Variants in SDK1 observed in about 807,000 individuals in gnomAD.
SDK1 encodes protein sidekick-1.
In SDK1, 157 loss-of-function variants were observed where a neutral mutation model predicts 245.5. The ratio of observed to expected loss-of-function variants is 0.64; its 90% CI spans 0.56 to 0.73. The LOEUF (loss-of-function observed/expected upper bound fraction) is 0.73. Ranked by LOEUF, SDK1 falls within the 30% of genes least tolerant of loss-of-function variation. SDK1 has a pLI of 0.00. For missense variants in SDK1, 3,583 were observed against 3,002.3 expected (o/e 1.19, Z -4.52); for synonymous variants, 1,647 against 1,278.5 (o/e 1.29, Z -6.15).
At chr7:3,492,477 G>C (rs1169518565) in intron 1 of SDK1, among the ~76,000 whole-genome samples, 2 of 152,242 alleles carry the variant, frequency 1.3e-5, no homozygotes, top group Non-Finnish European at 2.9e-5. Context: ...CTGGGCGACA[G>C]AGCGAGACTC....
At chr7:3,801,158 A>G (rs974351434) in intron 4 of SDK1, among the ~76,000 whole-genome samples, 10 of 152,192 alleles carry the variant, frequency 6.6e-5, no homozygotes, top group African/African-American at 2.2e-4. Flanking sequence ...ACACATCACT[A>G]TTTCATTTAT....
intron 44 of SDK1, among the ~76,000 whole-genome samples, chr7:4,260,960 G>T (rs988225020): frequency 6.6e-6 from 1 of 152,226 alleles, no homozygotes; most frequent in African/African-American, 2.4e-5. Context: ...GCCACAGATG[G>T]ATTCAGCTGT....
intron 1 of SDK1, among the ~76,000 whole-genome samples, chr7:3,480,320 G>T (rs535555944): frequency 6.6e-6 from 1 of 152,162 alleles, no homozygotes; most frequent in Admixed American, 6.5e-5. Flanking sequence ...AAATGGAGCC[G>T]CGAGGCCATG....
chr7:3,645,914 A>C (rs1271813788), intron 4 of SDK1, among the ~76,000 whole-genome samples: 2 of 151,842 alleles, frequency 1.3e-5, no homozygotes, highest in Admixed American at 6.6e-5. Context: ...GCTGGAGTGC[A>C]GTGGCCCAAT....
chr7:4,039,722 CTTA>C (rs1208476518), intron 17 of SDK1, among the ~76,000 whole-genome samples: 1 of 152,048 alleles, frequency 6.6e-6, no homozygotes, highest in East Asian at 1.9e-4. Flanking sequence ...AATTATGGAA[CTTA>C]TTATAACATC....
chr7:3,345,725 C>G (rs977615751), intron 1 of SDK1, among the ~76,000 whole-genome samples: 4 of 152,172 alleles, frequency 2.6e-5, no homozygotes, highest in Admixed American at 1.3e-4. Context: ...CCGTCTCTTT[C>G]CTGTTTCAGT....
chr7:3,716,104 A>T (rs990503721), intron 4 of SDK1, among the ~76,000 whole-genome samples: 6 of 149,116 alleles, frequency 4.0e-5, no homozygotes, highest in Non-Finnish European at 7.4e-5. Flanking sequence ...CCAACAATGA[A>T]AAAGGTAGAC....
In SDK1 at chr7:4,077,006, A is replaced by C. The variant is rs759795002; in HGVS notation, c.3019A>C (p.Ile1007Leu). 3 of 1,613,964 alleles carry C rather than the reference A, an allele frequency of 1.9e-6. No individual in the cohort carries two copies. In the Admixed American group the frequency reaches 5.0e-5, roughly 27 times the overall value. The change falls in exon 21 of 45, where the codon ATC becomes CTC. Residue 1007 changes from isoleucine to leucine, a missense_variant. Physicochemically the swap from Ile to Leu is conservative, Grantham distance 5 (BLOSUM62 2). Transcript: ENST00000404826. Reference protein sequence around the residue: ...EKNGIITGYQISWEVYGRNDS... With the variant: ...EKNGIITGYQLSWEVYGRNDS... ...GTCCTGTTGCTTTCTAGGCTATCAG[A>C]TCTCTTGGGAAGTGTACGGCAGGAA...
intron 22 of SDK1, among the ~76,000 whole-genome samples, chr7:4,102,932 G>A (rs1782653356): frequency 7.9e-6 from 1 of 127,190 alleles, no homozygotes; most frequent in Non-Finnish European, 1.6e-5. Context: ...ATAAAGTACT[G>A]TTTATTAGCC....
intron 1 of SDK1, among the ~76,000 whole-genome samples, chr7:3,477,411 G>C (rs1203568821): frequency 1.3e-5 from 2 of 151,310 alleles, no homozygotes; most frequent in African/African-American, 2.4e-5. Context: ...GGCCAGGCTG[G>C]TCTTGAACTC....
chr7:3,323,291 A>T (rs934927149), intron 1 of SDK1, among the ~76,000 whole-genome samples: 1 of 152,180 alleles, frequency 6.6e-6, no homozygotes, highest in Admixed American at 6.5e-5. Context: ...CTGATGTCTG[A>T]TGGGAACCCA....
chr7:4,139,721 A>ATGTGTG (rs1330952824), intron 28 of SDK1, among the ~76,000 whole-genome samples: 2,100 of 110,684 alleles, frequency 0.019, 3 homozygotes, highest in Non-Finnish European at 0.029. Context: ...GTGTGTGTGT[A>ATGTGTG]TGTGTGTGTG....
intron 38 of SDK1, among the ~76,000 whole-genome samples, chr7:4,218,916 C>T (rs1298354159): frequency 6.6e-6 from 1 of 151,846 alleles, no homozygotes; most frequent in Non-Finnish European, 1.5e-5. Flanking sequence ...GCATCATTTT[C>T]AAACTTGTTT....
chr7:4,246,712 G>A (rs1212613407), intron 44 of SDK1, among the ~76,000 whole-genome samples: 1 of 152,100 alleles, frequency 6.6e-6, no homozygotes, highest in Non-Finnish European at 1.5e-5. Context: ...CTTGGGATGT[G>A]TTCCTCTCCT....
chr7:3,519,365 C>G (rs1782856364), intron 1 of SDK1, among the ~76,000 whole-genome samples: 1 of 151,970 alleles, frequency 6.6e-6, no homozygotes. Context: ...TGTAATGTAT[C>G]AAAACATTAC....
Position 3,974,628 on chromosome 7 carries a change from T to C in SDK1, c.1994+83T>C, listed in dbSNP as rs982341731. 3.7e-6 allele frequency: 5 copies of C among 1,353,346 alleles called. No individual in the cohort carries two copies. The African/African-American group carries it at 7.2e-5, about 19-fold the overall frequency. The allele number at this position is 1,353,346 out of a possible 1,614,324, so 83.8% of individuals were successfully genotyped here. ...CTGTTAGTGACTGCCACTTCACAAG[T>C]GTCACGCCCGGCTTGTGTCCCAAGT... On this transcript the variant is annotated intron_variant, in intron 13 of 44. Transcript: ENST00000404826.
intron 1 of SDK1, among the ~76,000 whole-genome samples, chr7:3,555,664 C>G (rs557805544): frequency 2.0e-4 from 31 of 152,202 alleles, no homozygotes; most frequent in African/African-American, 6.7e-4. Flanking sequence ...TATTTGCAAA[C>G]CATCCATCTG....
At chr7:4,017,091 C>G in intron 16 of SDK1, 80 bp from the exon 17 acceptor site, 3 of 1,375,886 alleles carry the variant, frequency 2.2e-6, no homozygotes, top group Non-Finnish European at 3.0e-6. Flanking sequence ...TTCCCCCTAA[C>G]CCTGCGGAAT....
chr7:3,329,426 T>C (rs562700603), intron 1 of SDK1, among the ~76,000 whole-genome samples: 3 of 152,310 alleles, frequency 2.0e-5, no homozygotes, highest in African/African-American at 7.2e-5. Context: ...TTCAATAGTT[T>C]TTAGGATATT....
Sources: allele counts gnomAD v4.1 joint callset (sites outside exome capture counted in the v4.1 genomes callset), GRCh38; gene constraint gnomAD v4.1.1; transcripts MANE v1.5; gene names NCBI Gene and HGNC (gene_info 2026-07-23, HGNC 2026-07-21).